Variants in CERS6 observed in about 807,000 individuals in gnomAD.
The protein encoded by CERS6 is LAG1 homolog, ceramide synthase 6.
Under a neutral mutation model 56.8 loss-of-function variants are expected in CERS6, and 26 were observed. The ratio of observed to expected loss-of-function variants is 0.46; its 90% CI spans 0.34 to 0.63. CERS6 has a LOEUF of 0.63. Ranked by LOEUF, CERS6 falls within the 30% of genes least tolerant of loss-of-function variation. The pLI, the probability that CERS6 is intolerant of heterozygous loss-of-function variation, is 0.01. For synonymous variants in CERS6, 164 were observed against 173.3 expected (o/e 0.95, Z 0.42); for missense variants, 415 against 467.5 (o/e 0.89, Z 1.04).
intron 4 of CERS6, among the ~76,000 whole-genome samples, chr2:168,663,390 G>A (rs1685681313): frequency 6.6e-6 from 1 of 151,998 alleles, no homozygotes; most frequent in Admixed American, 6.5e-5. Flanking sequence ...CTGGAATGCA[G>A]AATTTAAAAA....
intron 1 of CERS6, among the ~76,000 whole-genome samples, chr2:168,465,741 G>A (rs1693858922): frequency 6.6e-6 from 1 of 152,142 alleles, no homozygotes; most frequent in African/African-American, 2.4e-5. Flanking sequence ...TTGGTGCAGA[G>A]TTTCAGTTTT....
At chr2:168,613,050 C>T (rs80252267) in intron 3 of CERS6, among the ~76,000 whole-genome samples, 2 of 151,960 alleles carry the variant, frequency 1.3e-5, no homozygotes, top group Admixed American at 6.5e-5. Flanking sequence ...GTAAATGAAA[C>T]GGATATTTCC....
Position 168,558,187 on chromosome 2 carries a change from A to G in CERS6, c.277-3005A>G, listed in dbSNP as rs540939606. On this transcript the variant is annotated intron_variant, in intron 2 of 9. Coordinates refer to ENST00000305747, the MANE Select transcript of CERS6 (RefSeq NM_203463.3). ...GTGAGTATAAATTGGTAAAATCACTAGTAAGAATAACTTTTCAATTTCAAA... is the reference window on the plus strand; with the variant it reads ...GTGAGTATAAATTGGTAAAATCACTGGTAAGAATAACTTTTCAATTTCAAA... Among the ~76,000 whole-genome samples the G allele has an allele frequency of 2.6e-5, 4 of 152,330 alleles. No individual in the cohort carries two copies. In the South Asian group the frequency reaches 8.3e-4, roughly 32 times the overall value.
chr2:168,536,804 G>A (rs1227065217), intron 1 of CERS6, among the ~76,000 whole-genome samples: 20 of 152,000 alleles, frequency 1.3e-4, no homozygotes, highest in Admixed American at 1.3e-3. Flanking sequence ...TGTTAATAAT[G>A]GTTATCTTTG....
chr2:168,501,381 T>G (rs1694577213), intron 1 of CERS6, among the ~76,000 whole-genome samples: 1 of 152,206 alleles, frequency 6.6e-6, no homozygotes, highest in Non-Finnish European at 1.5e-5. Context: ...CAAGTATACA[T>G]AGTCAATAGG....
chr2:168,709,235 G>A (rs1300926580), intron 6 of CERS6, among the ~76,000 whole-genome samples: 1 of 152,150 alleles, frequency 6.6e-6, no homozygotes, highest in Non-Finnish European at 1.5e-5. Flanking sequence ...AATTTCTGAT[G>A]TGAAAGCTAC....
At chr2:168,751,043 T>A (rs1200207199) in intron 8 of CERS6, among the ~76,000 whole-genome samples, 1 of 152,222 alleles carries the variant, frequency 6.6e-6, no homozygotes, top group Admixed American at 6.5e-5. Context: ...ATGCTATAGA[T>A]GCAAAACATA....
At chr2:168,709,084 A>G (rs1045773559) in intron 6 of CERS6, among the ~76,000 whole-genome samples, 1 of 152,090 alleles carries the variant, frequency 6.6e-6, no homozygotes, top group Non-Finnish European at 1.5e-5. Context: ...TGTCTCAATG[A>G]GAGGTAGATC....
chr2:168,762,185 A>T (rs1287782078), intron 8 of CERS6, among the ~76,000 whole-genome samples: 4 of 152,200 alleles, frequency 2.6e-5, no homozygotes, highest in African/African-American at 7.2e-5. Flanking sequence ...ATAAATTTTT[A>T]AAATGCAAAA....
At chr2:168,506,047 G>A (rs1452662641) in intron 1 of CERS6, among the ~76,000 whole-genome samples, 2 of 152,168 alleles carry the variant, frequency 1.3e-5, no homozygotes, top group Non-Finnish European at 2.9e-5. Flanking sequence ...CTCGCTGCCT[G>A]AATATCTTTC....
intron 8 of CERS6, among the ~76,000 whole-genome samples, chr2:168,735,797 A>G (rs1392631343): frequency 6.8e-6 from 1 of 146,358 alleles, no homozygotes; most frequent in African/African-American, 2.5e-5. Flanking sequence ...CAGGAGGATC[A>G]CTTGAGCCTG....
chr2:168,584,604 A>G (rs1683497200), intron 3 of CERS6, among the ~76,000 whole-genome samples: 1 of 150,942 alleles, frequency 6.6e-6, no homozygotes, highest in African/African-American at 2.4e-5. Flanking sequence ...AGTTTATCCC[A>G]ACGACTCTGT....
intron 3 of CERS6, among the ~76,000 whole-genome samples, chr2:168,587,378 A>G (rs1353329609): frequency 6.6e-6 from 1 of 152,212 alleles, no homozygotes; most frequent in African/African-American, 2.4e-5. Context: ...GTTACTGAAC[A>G]GGGTAGCATA....
chr2:168,464,698 TAA>T (rs543390356), intron 1 of CERS6, among the ~76,000 whole-genome samples: 1 of 134,314 alleles, frequency 7.4e-6, no homozygotes, highest in Admixed American at 7.4e-5. Context: ...GAGCCTAAAT[TAA>T]AAAAAAAAAA....
chr2:168,720,177 G>A (rs193269361), intron 8 of CERS6, among the ~76,000 whole-genome samples: 7 of 151,358 alleles, frequency 4.6e-5, no homozygotes, highest in African/African-American at 7.3e-5. Context: ...TGATCCACCC[G>A]CCTCGGCCTC....
intron 1 of CERS6, among the ~76,000 whole-genome samples, chr2:168,484,123 T>C (rs759451496): frequency 1.3e-5 from 2 of 151,702 alleles, no homozygotes; most frequent in Non-Finnish European, 2.9e-5. Flanking sequence ...AAAAATGCTG[T>C]TGTTTTTAGT....
At chr2:168,474,702 T>G (rs1694037290) in intron 1 of CERS6, among the ~76,000 whole-genome samples, 1 of 152,176 alleles carries the variant, frequency 6.6e-6, no homozygotes, top group African/African-American at 2.4e-5. Flanking sequence ...GAAATTCAAG[T>G]TTATACTTTG....
intron 3 of CERS6, among the ~76,000 whole-genome samples, chr2:168,598,998 G>C (rs1274051091): frequency 6.6e-6 from 1 of 152,308 alleles, no homozygotes; most frequent in Middle Eastern, 3.4e-3. Flanking sequence ...TGACATTTGT[G>C]TAGCTCTGTG....
intron 4 of CERS6, among the ~76,000 whole-genome samples, chr2:168,654,466 C>T (rs1372662658): frequency 6.6e-6 from 1 of 152,070 alleles, no homozygotes; most frequent in African/African-American, 2.4e-5. Context: ...TCACTTGAAC[C>T]CGGGAGGTGG....
Sources: gnomAD v4.1 joint callset for allele counts (sites outside exome capture counted in the v4.1 genomes callset) on GRCh38, gnomAD v4.1.1 for gene constraint, MANE v1.5 for transcripts, NCBI Gene and HGNC (gene_info 2026-07-23, HGNC 2026-07-21) for gene names.